The following TAS2R1 variants were observed in gnomAD, a reference collection of about 807,000 sequenced individuals.
TAS2R1 encodes taste 2 receptor member 1.
For synonymous variants in TAS2R1, 141 were observed against 134.2 expected (o/e 1.05, Z -0.35); for missense variants, 370 against 353.4 (o/e 1.05, Z -0.38).
chr5:9,736,713 G>C, the TAS2R1 span, among the ~76,000 whole-genome samples: 2 of 152,098 alleles, frequency 1.3e-5, no homozygotes, highest in South Asian at 2.1e-4. Flanking sequence ...AATTAAGTCA[G>C]CATGCTGTAT....
intron 2 of TAS2R1, chr5:9,645,739 G>A (rs1207468559): frequency 6.6e-6 from 1 of 152,196 alleles, no homozygotes; most frequent in Non-Finnish European, 1.5e-5. Flanking sequence ...CAGACAGGAT[G>A]GTTGCCTGGC....
the TAS2R1 span, among the ~76,000 whole-genome samples, chr5:9,887,838 G>T: frequency 6.6e-6 from 1 of 152,244 alleles, no homozygotes; most frequent in Middle Eastern, 3.4e-3. Context: ...GAAAGCGAGG[G>T]GTCAATTTGC....
the TAS2R1 span, among the ~76,000 whole-genome samples, chr5:9,891,353 A>C: frequency 6.6e-6 from 1 of 152,354 alleles, no homozygotes; most frequent in African/African-American, 2.4e-5. Context: ...TTTCATAAAA[A>C]GATATTGTTC....
chr5:9,642,577 T>C (rs1313366159), intron 2 of TAS2R1, among the ~76,000 whole-genome samples: 2 of 152,194 alleles, frequency 1.3e-5, no homozygotes, highest in Non-Finnish European at 2.9e-5. Context: ...TTGCAGTTGA[T>C]CTTTTAGACT....
At chr5:9,806,891 T>C in the TAS2R1 span, among the ~76,000 whole-genome samples, 1 of 151,848 alleles carries the variant, frequency 6.6e-6, no homozygotes, top group Non-Finnish European at 1.5e-5. Flanking sequence ...CAAAAACAGA[T>C]AAATAGATGG....
chr5:9,723,660 C>T, the TAS2R1 span, among the ~76,000 whole-genome samples: 15 of 152,340 alleles, frequency 9.8e-5, no homozygotes, highest in Non-Finnish European at 1.8e-4. Flanking sequence ...AGGGATGAGC[C>T]GCCATTGGCA....
At chr5:9,632,918 C>T (rs938584684), upstream of TAS2R1, among the ~76,000 whole-genome samples, 1 of 151,816 alleles carries the variant, frequency 6.6e-6, no homozygotes, top group African/African-American at 2.4e-5. Flanking sequence ...TGAATCACTT[C>T]TTAGTGGTAT....
the TAS2R1 span, among the ~76,000 whole-genome samples, chr5:9,792,215 G>A: frequency 6.6e-6 from 1 of 151,976 alleles, no homozygotes; most frequent in African/African-American, 2.4e-5. Flanking sequence ...CTTTCAAATA[G>A]GTGTTCATAT....
the TAS2R1 span, among the ~76,000 whole-genome samples, chr5:9,824,995 C>T: frequency 6.6e-6 from 1 of 152,154 alleles, no homozygotes; most frequent in African/African-American, 2.4e-5. Flanking sequence ...ATACAGCCCC[C>T]AACCCAACAG....
the TAS2R1 span, among the ~76,000 whole-genome samples, chr5:9,820,375 C>G: frequency 6.6e-6 from 1 of 152,052 alleles, no homozygotes; most frequent in Non-Finnish European, 1.5e-5. Context: ...AATTTTCATA[C>G]CCCAAAGTGT....
the TAS2R1 span, among the ~76,000 whole-genome samples, chr5:9,814,850 C>T: frequency 1.3e-5 from 2 of 152,188 alleles, no homozygotes; most frequent in Non-Finnish European, 2.9e-5. Context: ...ACAGAAAAGT[C>T]CCACTAACTT....
chr5:9,806,434 T>C, the TAS2R1 span, among the ~76,000 whole-genome samples: 1 of 152,094 alleles, frequency 6.6e-6, no homozygotes, highest in Non-Finnish European at 1.5e-5. Context: ...AGAGTTCACA[T>C]AGCCAAAGCA....
At chr5:9,901,535 C>G in the TAS2R1 span, among the ~76,000 whole-genome samples, 1 of 152,062 alleles carries the variant, frequency 6.6e-6, no homozygotes, top group Non-Finnish European at 1.5e-5. Context: ...AGAATACTGA[C>G]TGAGTTTACA....
the TAS2R1 span, among the ~76,000 whole-genome samples, chr5:9,895,528 C>T: frequency 7.9e-5 from 12 of 152,156 alleles, no homozygotes; most frequent in African/African-American, 1.7e-4. Flanking sequence ...CCTGCAGAGG[C>T]GAGGCTTCCT....
chr5:9,897,154 A>G, the TAS2R1 span, among the ~76,000 whole-genome samples: 6 of 152,216 alleles, frequency 3.9e-5, no homozygotes, highest in East Asian at 1.2e-3. Flanking sequence ...ACAAAACAAA[A>G]TAACAGCTAG....
At chr5:9,731,966 G>T in the TAS2R1 span, among the ~76,000 whole-genome samples, 3 of 152,222 alleles carry the variant, frequency 2.0e-5, no homozygotes, top group East Asian at 5.8e-4. Context: ...AACCAGGCAG[G>T]CAAGGCCTTG....
At chr5:9,813,454 G>T in the TAS2R1 span, among the ~76,000 whole-genome samples, 1 of 152,134 alleles carries the variant, frequency 6.6e-6, no homozygotes, top group African/African-American at 2.4e-5. Context: ...CACTTTGCTG[G>T]CCTGGGGATG....
chr5:9,895,430 T>C, the TAS2R1 span, among the ~76,000 whole-genome samples: 1 of 152,188 alleles, frequency 6.6e-6, no homozygotes, highest in Non-Finnish European at 1.5e-5. Flanking sequence ...CCTGTAGTGA[T>C]GTAGCAGCCA....
At chr5:9,697,632 A>G (rs1239437024) in intron 1 of TAS2R1, among the ~76,000 whole-genome samples, 1 of 152,190 alleles carries the variant, frequency 6.6e-6, no homozygotes, top group Non-Finnish European at 1.5e-5. Flanking sequence ...ATATTTTTGT[A>G]TGTTTAGAGA....
Sources: allele counts gnomAD v4.1 joint callset (sites outside exome capture counted in the v4.1 genomes callset), GRCh38; gene constraint gnomAD v4.1.1; transcripts MANE v1.5; gene names NCBI Gene and HGNC (gene_info 2026-07-23, HGNC 2026-07-21).